HS3ST3A1: variants seen among roughly 807,000 people sequenced by gnomAD.
The protein encoded by HS3ST3A1 is heparan sulfate-glucosamine 3-sulfotransferase 3A1, also known as heparan sulfate glucosamine 3-O-sulfotransferase 3A1.
HS3ST3A1 carries 19 observed loss-of-function variants against 25.7 expected under a neutral mutation model. That is an observed-to-expected ratio of 0.74 (90% CI 0.52 to 1.08). The LOEUF (loss-of-function observed/expected upper bound fraction) is 1.08, where lower values mean the gene tolerates loss of function less well. HS3ST3A1 is among the 50% of genes least tolerant of loss of function. HS3ST3A1 has a pLI of 0.00. For missense variants in HS3ST3A1, 459 were observed against 594.3 expected (o/e 0.77, Z 2.37); for synonymous variants, 226 against 278.6 (o/e 0.81, Z 1.88).
intron 1 of HS3ST3A1, among the ~76,000 whole-genome samples, chr17:13,563,016 C>A (rs1598427363): frequency 6.6e-6 from 1 of 151,090 alleles, no homozygotes; most frequent in African/African-American, 2.4e-5. Context: ...CGTAAAGGGG[C>A]CCTAAACAAG....
chr17:13,534,119 G>A (rs1381584825), intron 1 of HS3ST3A1, among the ~76,000 whole-genome samples: 2 of 152,138 alleles, frequency 1.3e-5, no homozygotes, highest in Non-Finnish European at 2.9e-5. Context: ...AATGCATGAT[G>A]TGGACAGTCC....
chr17:13,542,329 CA>C (rs61165551), intron 1 of HS3ST3A1, among the ~76,000 whole-genome samples: 75,561 of 116,800 alleles, frequency 0.65, 23,904 homozygotes, highest in Non-Finnish European at 0.74. Flanking sequence ...ACTCTGTTTC[CA>C]AAAAAAAAAA....
chr17:13,550,001 G>A (rs989491599), intron 1 of HS3ST3A1, among the ~76,000 whole-genome samples: 1 of 152,064 alleles, frequency 6.6e-6, no homozygotes, highest in African/African-American at 2.4e-5. Context: ...GATATTGGGG[G>A]AATATAAGGC....
intron 1 of HS3ST3A1, among the ~76,000 whole-genome samples, chr17:13,532,061 GTAGT>G (rs574016281): frequency 6.6e-6 from 1 of 152,302 alleles, no homozygotes; most frequent in South Asian, 2.1e-4. Context: ...TTAGCGGCTG[GTAGT>G]TAGAGCTCAA....
At chr17:13,562,817 C>T (rs1191535847) in intron 1 of HS3ST3A1, among the ~76,000 whole-genome samples, 1 of 152,024 alleles carries the variant, frequency 6.6e-6, no homozygotes, top group African/African-American at 2.4e-5. Flanking sequence ...GCCCTGTGAC[C>T]GTAAACCATC....
intron 1 of HS3ST3A1, among the ~76,000 whole-genome samples, chr17:13,544,296 A>C (rs893990026): frequency 3.9e-5 from 6 of 152,186 alleles, no homozygotes; most frequent in African/African-American, 1.2e-4. Flanking sequence ...GAGCAACAAA[A>C]AGCCTTAGTG....
At chr17:13,523,423 C>A (rs575178926) in intron 1 of HS3ST3A1, among the ~76,000 whole-genome samples, 1 of 152,242 alleles carries the variant, frequency 6.6e-6, no homozygotes, top group African/African-American at 2.4e-5. Context: ...AGACAGAGGG[C>A]AGTGTCATAT....
At chr17:13,534,960 A>G (rs992364151) in intron 1 of HS3ST3A1, among the ~76,000 whole-genome samples, 1 of 152,220 alleles carries the variant, frequency 6.6e-6, no homozygotes, top group Non-Finnish European at 1.5e-5. Context: ...TGGGAGGCAG[A>G]GGTTGTGGTG....
At chr17:13,597,117 C>T (rs1802517636) in intron 1 of HS3ST3A1, among the ~76,000 whole-genome samples, 3 of 152,028 alleles carry the variant, frequency 2.0e-5, no homozygotes, top group Admixed American at 2.0e-4. Flanking sequence ...AAGAAATAGA[C>T]ATGCTAGTGT....
intron 1 of HS3ST3A1, among the ~76,000 whole-genome samples, chr17:13,574,302 T>A (rs965865198): frequency 6.6e-6 from 1 of 151,684 alleles, no homozygotes; most frequent in African/African-American, 2.4e-5. Flanking sequence ...CCTGGCTAAT[T>A]TTTTGTGTTT....
intron 1 of HS3ST3A1, among the ~76,000 whole-genome samples, chr17:13,556,744 C>T (rs946767223): frequency 6.7e-6 from 1 of 150,064 alleles, no homozygotes; most frequent in African/African-American, 2.5e-5. Context: ...CTCAGCTACT[C>T]GGGAGGCTGA....
At chr17:13,579,790 G>A (rs1249677910) in intron 1 of HS3ST3A1, among the ~76,000 whole-genome samples, 1 of 149,898 alleles carries the variant, frequency 6.7e-6, no homozygotes, top group Non-Finnish European at 1.5e-5. Flanking sequence ...GGTCAACATG[G>A]GGAAACCCTG....
intron 1 of HS3ST3A1, among the ~76,000 whole-genome samples, chr17:13,508,113 T>A (rs2142302688): frequency 6.6e-6 from 1 of 152,218 alleles, no homozygotes; most frequent in African/African-American, 2.4e-5. Flanking sequence ...CAAATCATCA[T>A]CAAGATAAGC....
chr17:13,499,195 T>C (rs981184634), intron 1 of HS3ST3A1, among the ~76,000 whole-genome samples: 4 of 152,192 alleles, frequency 2.6e-5, no homozygotes, highest in Non-Finnish European at 5.9e-5. Context: ...TAACCACCTA[T>C]GTGATGCAGA....
At chr17:13,562,642 C>T (rs1418795318) in intron 1 of HS3ST3A1, among the ~76,000 whole-genome samples, 1 of 151,884 alleles carries the variant, frequency 6.6e-6, no homozygotes, top group East Asian at 1.9e-4. Flanking sequence ...GAACTCCCAT[C>T]CCCAACCCTG....
chr17:13,548,053 T>A (rs919418443), intron 1 of HS3ST3A1, among the ~76,000 whole-genome samples: 16 of 152,204 alleles, frequency 1.1e-4, no homozygotes, highest in Non-Finnish European at 1.5e-4. Flanking sequence ...AATTCTCACT[T>A]TCACACTCTC....
At chr17:13,548,829 C>T (rs1475278659) in intron 1 of HS3ST3A1, among the ~76,000 whole-genome samples, 5 of 152,024 alleles carry the variant, frequency 3.3e-5, no homozygotes, top group Admixed American at 1.3e-4. Context: ...CACCAATCAG[C>T]GCTCTGTGTC....
At chr17:13,500,796 G>C (rs999504821) in intron 1 of HS3ST3A1, among the ~76,000 whole-genome samples, 2 of 152,192 alleles carry the variant, frequency 1.3e-5, no homozygotes, top group Non-Finnish European at 2.9e-5. Context: ...ATTATTACAA[G>C]GTAGGTTATA....
At chr17:13,513,412 C>A (rs947945832) in intron 1 of HS3ST3A1, among the ~76,000 whole-genome samples, 13 of 152,118 alleles carry the variant, frequency 8.5e-5, no homozygotes, top group African/African-American at 3.1e-4. Context: ...CAACAACATT[C>A]AAAAAATTCT....
Sources: allele counts gnomAD v4.1 joint callset (sites outside exome capture counted in the v4.1 genomes callset), GRCh38; gene constraint gnomAD v4.1.1; transcripts MANE v1.5; gene names NCBI Gene and HGNC (gene_info 2026-07-23, HGNC 2026-07-21).